Variants in RANBP2 observed in about 807,000 individuals in gnomAD.
RANBP2 encodes the protein RAN binding protein 2.
In RANBP2, 57 loss-of-function variants were observed where a neutral mutation model predicts 303.6. The observed-to-expected ratio is 0.19, with a 90% CI of 0.15 to 0.23. The LOEUF (loss-of-function observed/expected upper bound fraction) is 0.23, where lower values mean the gene tolerates loss of function less well. Ranked by LOEUF, RANBP2 falls within the 10% of genes least tolerant of loss-of-function variation. The pLI is 1.00. For synonymous variants in RANBP2, 1,167 were observed against 1,301.5 expected, an observed-to-expected ratio of 0.90 and a Z score of 2.23; for missense variants, 3,138 against 3,780.8, an observed-to-expected ratio of 0.83 and a Z score of 4.46.
the RANBP2 span, among the ~76,000 whole-genome samples, chr2:109,563,863 G>A: frequency 1.3e-5 from 2 of 152,096 alleles, no homozygotes; most frequent in Non-Finnish European, 2.9e-5. Flanking sequence ...GCTCACATTT[G>A]TAATCCCAAA....
the RANBP2 span, among the ~76,000 whole-genome samples, chr2:109,346,484 G>C: frequency 0.18 from 27,332 of 151,996 alleles, 2,617 homozygotes; most frequent in African/African-American, 0.24. Context: ...GAAAATCGTT[G>C]GGTATTGACA....
chr2:108,996,934 A>C, the RANBP2 span, among the ~76,000 whole-genome samples: 1 of 152,146 alleles, frequency 6.6e-6, no homozygotes, highest in Non-Finnish European at 1.5e-5. Flanking sequence ...GATGCTCAGG[A>C]CCAGGCCCAG....
chr2:108,861,400 G>T, the RANBP2 span, among the ~76,000 whole-genome samples: 1 of 151,152 alleles, frequency 6.6e-6, no homozygotes, highest in African/African-American at 2.4e-5. Flanking sequence ...AGTTCCTGTA[G>T]GTGTGACATT....
chr2:108,896,716 G>C, the RANBP2 span: 1 of 616,928 alleles, frequency 1.6e-6, no homozygotes, highest in Non-Finnish European at 2.8e-6. Context: ...AAGTATCCCG[G>C]CTCTAGTCCT....
chr2:109,591,924 A>T, the RANBP2 span, among the ~76,000 whole-genome samples: 1 of 152,016 alleles, frequency 6.6e-6, no homozygotes, highest in Admixed American at 6.6e-5. Flanking sequence ...ATAAAAAACA[A>T]CTTACTGAAT....
the RANBP2 span, among the ~76,000 whole-genome samples, chr2:109,547,201 T>C: frequency 6.6e-6 from 1 of 152,300 alleles, no homozygotes; most frequent in Admixed American, 6.5e-5. Flanking sequence ...TCCTCCAAGT[T>C]GCTGCCTCTA....
chr2:109,662,607 C>G, the RANBP2 span, among the ~76,000 whole-genome samples: 2 of 151,968 alleles, frequency 1.3e-5, no homozygotes, highest in Non-Finnish European at 1.5e-5. Flanking sequence ...TTTAGGGTTT[C>G]ATCATGTTGG....
the RANBP2 span, among the ~76,000 whole-genome samples, chr2:109,496,483 G>T: frequency 1.3e-5 from 2 of 152,150 alleles, no homozygotes; most frequent in Admixed American, 1.3e-4. Flanking sequence ...CTTTCACTAT[G>T]ACCTCTCTAA....
the RANBP2 span, chr2:109,585,038 G>A: frequency 1.8e-5 from 12 of 655,560 alleles, no homozygotes; most frequent in Admixed American, 2.9e-4. Context: ...ATTACCATAG[G>A]AGAAAATCAA....
the RANBP2 span, among the ~76,000 whole-genome samples, chr2:109,027,073 C>G: frequency 6.6e-6 from 1 of 152,042 alleles, no homozygotes; most frequent in Non-Finnish European, 1.5e-5. Context: ...GAAATCCCAT[C>G]TCTACTAGAA....
At chr2:109,585,928 C>G in the RANBP2 span, 1 of 862,498 alleles carries the variant, frequency 1.2e-6, no homozygotes, top group Non-Finnish European at 1.8e-6. Context: ...ACAAATATAT[C>G]AAATAAATGA....
the RANBP2 span, among the ~76,000 whole-genome samples, chr2:109,097,315 AAAAACAAAACAAAAC>A: frequency 0.012 from 1,849 of 148,954 alleles, 44 homozygotes; most frequent in African/African-American, 0.04. Context: ...AAACAAAACA[AAAAACAAAACAAAAC>A]AAAACAAAAC....
chr2:108,804,795 G>A, the RANBP2 span: 3 of 1,184,650 alleles, frequency 2.5e-6, no homozygotes, highest in Admixed American at 6.1e-5. Flanking sequence ...TGTGATTGAA[G>A]GAGTTCTTAC....
At chr2:109,218,093 T>C in the RANBP2 span, among the ~76,000 whole-genome samples, 5 of 151,838 alleles carry the variant, frequency 3.3e-5, no homozygotes, top group Non-Finnish European at 5.9e-5. Context: ...GAGTAGTCAA[T>C]AGAGGTTTTT....
chr2:109,551,042 T>C, the RANBP2 span, among the ~76,000 whole-genome samples: 1 of 152,220 alleles, frequency 6.6e-6, no homozygotes, highest in African/African-American at 2.4e-5. Context: ...GGAGGGTATA[T>C]AGGAAATCCG....
At chr2:109,671,039 G>A in the RANBP2 span, among the ~76,000 whole-genome samples, 9 of 152,198 alleles carry the variant, frequency 5.9e-5, no homozygotes, top group South Asian at 2.1e-4. Flanking sequence ...GAGTGCCTTC[G>A]CTGAAACTGG....
chr2:108,966,920 C>G, the RANBP2 span, among the ~76,000 whole-genome samples: 2 of 152,104 alleles, frequency 1.3e-5, no homozygotes, highest in East Asian at 3.9e-4. Context: ...TCCCAAAGAC[C>G]AGCCAATTGT....
chr2:109,206,490 C>CAAAAAAA, the RANBP2 span, among the ~76,000 whole-genome samples: 306 of 40,756 alleles, frequency 7.5e-3, 17 homozygotes, highest in African/African-American at 0.029. Context: ...GACTCCGTCT[C>CAAAAAAA]AAAAAAAAAA....
the RANBP2 span, chr2:109,619,023 C>T: frequency 6.0e-6 from 1 of 167,004 alleles, no homozygotes. Flanking sequence ...TTCTGTCGTC[C>T]TTTAGACTTT....
Sources: allele counts gnomAD v4.1 joint callset (sites outside exome capture counted in the v4.1 genomes callset), GRCh38; gene constraint gnomAD v4.1.1; transcripts MANE v1.5; gene names NCBI Gene and HGNC (gene_info 2026-07-23, HGNC 2026-07-21).